Variants in ARHGEF12 observed in about 807,000 individuals in gnomAD.
The protein encoded by ARHGEF12 is KMT2A/ARHGEF12 fusion protein.
Under a neutral mutation model 211.2 loss-of-function variants are expected in ARHGEF12, and 66 were observed. That is an observed-to-expected ratio of 0.31 (90% confidence interval 0.26 to 0.38). The LOEUF (loss-of-function observed/expected upper bound fraction) is 0.38, where lower values mean the gene tolerates loss of function less well. Ranked by LOEUF, ARHGEF12 falls within the 10% of genes least tolerant of loss-of-function variation. The pLI is 1.00. For missense variants in ARHGEF12, 1,429 were observed against 1,869.5 expected (o/e 0.76, Z 4.34); for synonymous variants, 592 against 638.4 (o/e 0.93, Z 1.09).
chr11:120,342,932 T>C (rs2135243191), intron 1 of ARHGEF12, among the ~76,000 whole-genome samples: 1 of 152,336 alleles, frequency 6.6e-6, no homozygotes, highest in African/African-American at 2.4e-5. Context: ...TCTTATTTTT[T>C]CCAGTGGTTT....
intron 10 of ARHGEF12, among the ~76,000 whole-genome samples, chr11:120,430,540 C>T (rs1160213402): frequency 1.3e-5 from 2 of 152,062 alleles, no homozygotes; most frequent in African/African-American, 4.8e-5. Context: ...ATATGTTAAC[C>T]AGACTTACAT....
chr11:120,391,647 C>T (rs1944220612), intron 1 of ARHGEF12, among the ~76,000 whole-genome samples: 2 of 152,188 alleles, frequency 1.3e-5, no homozygotes, highest in African/African-American at 2.4e-5. Flanking sequence ...AACTATAGTT[C>T]TAAGTTTACC....
chr11:120,404,744 A>G lies in ARHGEF12; in HGVS notation c.33-1374A>G, dbSNP rs756306319. On this transcript the variant is annotated intron_variant, in intron 1 of 40. Transcript: ENST00000397843. ...TAATGGCTGTGAGGTCGAGTGCCTA[A>G]GGTTGATAAATGGCAGTTGTTATCC... 1.3e-3 allele frequency among the ~76,000 whole-genome samples: 192 copies of G among 152,200 alleles called. 5 individuals carry two copies. The highest frequency in any genetic ancestry group is 3.9e-4 in the Admixed American group (6 of 15,284).
intron 1 of ARHGEF12, among the ~76,000 whole-genome samples, chr11:120,385,685 A>G (rs996807535): frequency 6.6e-6 from 1 of 152,234 alleles, no homozygotes; most frequent in African/African-American, 2.4e-5. Flanking sequence ...ATTTGACCTA[A>G]GGAAGAAAAT....
intron 7 of ARHGEF12, among the ~76,000 whole-genome samples, chr11:120,425,788 G>T (rs1945329924): frequency 6.7e-6 from 1 of 149,952 alleles, no homozygotes; most frequent in Admixed American, 6.6e-5. Context: ...GAGAGAGACT[G>T]CTTGAACTGA....
intron 36 of ARHGEF12, 92 bp from the exon 37 acceptor site, chr11:120,478,062 GTT>G (rs368383611): frequency 4.4e-5 from 29 of 661,554 alleles, no homozygotes; most frequent in Admixed American, 9.8e-5. Context: ...TTTATGGATT[GTT>G]TTTTTTTTTT....
At chr11:120,413,778 G>GAA (rs1944951155) in intron 4 of ARHGEF12, among the ~76,000 whole-genome samples, 1 of 152,122 alleles carries the variant, frequency 6.6e-6, no homozygotes, top group Non-Finnish European at 1.5e-5. Flanking sequence ...TCCCTTCCCT[G>GAA]AAGCTGATTC....
At chr11:120,344,292 A>G (rs1034778108) in intron 1 of ARHGEF12, among the ~76,000 whole-genome samples, 1 of 145,970 alleles carries the variant, frequency 6.9e-6, no homozygotes, top group Admixed American at 6.8e-5. Flanking sequence ...AAAAAAAAAA[A>G]AACTGGAGAC....
At chr11:120,420,706 TC>T (rs757925250) in intron 4 of ARHGEF12, 46 bp from the exon 5 acceptor site, 1 of 1,498,484 alleles carries the variant, frequency 6.7e-7, no homozygotes, top group Non-Finnish European at 9.3e-7. Flanking sequence ...TCTTTTCCTT[TC>T]TCTGTTTTCT....
intron 1 of ARHGEF12, among the ~76,000 whole-genome samples, chr11:120,381,862 A>G (rs1292404751): frequency 1.3e-5 from 2 of 152,024 alleles, no homozygotes; most frequent in Non-Finnish European, 2.9e-5. Flanking sequence ...CTGTGTCTCT[A>G]CTTTTGCATT....
intron 29 of ARHGEF12, among the ~76,000 whole-genome samples, chr11:120,468,812 T>C (rs1946783877): frequency 6.6e-6 from 1 of 152,220 alleles, no homozygotes; most frequent in Admixed American, 6.5e-5. Flanking sequence ...TTTCTTTAAA[T>C]ATAATCTCAA....
chr11:120,410,454 A>G (rs1321027097), intron 4 of ARHGEF12: 4 of 152,264 alleles, frequency 2.6e-5, no homozygotes, highest in African/African-American at 7.2e-5. Flanking sequence ...CATCTTTAAT[A>G]GAGCCACAAA....
At chr11:120,471,928 T>C (rs1412965789) in intron 30 of ARHGEF12, among the ~76,000 whole-genome samples, 1 of 152,196 alleles carries the variant, frequency 6.6e-6, no homozygotes, top group African/African-American at 2.4e-5. Context: ...TACAAAGACA[T>C]ATATTTAAGT....
At chr11:120,448,133 C>A in intron 19 of ARHGEF12, 101 bp from the exon 20 acceptor site, 2 of 912,508 alleles carry the variant, frequency 2.2e-6, no homozygotes, top group Non-Finnish European at 3.4e-6. Flanking sequence ...TGATTTATTT[C>A]AATAATTCCA....
intron 27 of ARHGEF12, chr11:120,463,126 T>C (rs1420406138): frequency 6.6e-6 from 1 of 152,264 alleles, no homozygotes; most frequent in African/African-American, 2.4e-5. Flanking sequence ...GTAGGTTCAG[T>C]GTATTAAATG....
At chr11:120,376,174 G>A (rs1356936061) in intron 1 of ARHGEF12, among the ~76,000 whole-genome samples, 3 of 152,020 alleles carry the variant, frequency 2.0e-5, no homozygotes, top group Admixed American at 2.0e-4. Context: ...TTGGGCTTTA[G>A]TTATTAAATA....
intron 1 of ARHGEF12, among the ~76,000 whole-genome samples, chr11:120,344,659 G>T (rs1942648036): frequency 6.6e-6 from 1 of 152,218 alleles, no homozygotes; most frequent in African/African-American, 2.4e-5. Flanking sequence ...TGCTGCTGAA[G>T]AGGTATTTAA....
At chr11:120,473,152 T>TA in intron 31 of ARHGEF12, 25 bp downstream of exon 31, 2 of 1,601,308 alleles carry the variant, frequency 1.2e-6, no homozygotes, top group Non-Finnish European at 1.7e-6. Flanking sequence ...AATCATAATT[T>TA]AAAAAATAAA....
At chr11:120,484,259 G>C (rs971755524) in intron 39 of ARHGEF12, among the ~76,000 whole-genome samples, 179 bp from the exon 40 acceptor site, 1 of 152,156 alleles carries the variant, frequency 6.6e-6, no homozygotes, top group Non-Finnish European at 1.5e-5. Context: ...ATTGGTAAAA[G>C]GAATGAAATT....
Sources: allele counts gnomAD v4.1 joint callset (sites outside exome capture counted in the v4.1 genomes callset), GRCh38; gene constraint gnomAD v4.1.1; transcripts MANE v1.5; gene names NCBI Gene and HGNC (gene_info 2026-07-23, HGNC 2026-07-21).